CD109: variants seen among roughly 807,000 people sequenced by gnomAD.
The protein encoded by CD109 is CD109 antigen.
In CD109, 149 loss-of-function variants were observed where a neutral mutation model predicts 165.8. The ratio of observed to expected loss-of-function variants is 0.90; its 90% confidence interval spans 0.79 to 1.03. The LOEUF is 1.03. Ranked by LOEUF, CD109 falls within the 50% of genes least tolerant of loss-of-function variation. The pLI is 0.00. For synonymous variants in CD109, 585 were observed against 592.1 expected, an observed-to-expected ratio of 0.99 and a Z score of 0.18; for missense variants, 1,712 against 1,677.8, an observed-to-expected ratio of 1.02 and a Z score of -0.36.
At chr6:73,821,484 A>G (rs182640015) in intron 32 of CD109, among the ~76,000 whole-genome samples, 115 of 152,326 alleles carry the variant, frequency 7.5e-4, no homozygotes, top group Admixed American at 2.1e-3. Context: ...GTGCCCATCA[A>G]CTGTGAATTG....
At chr6:73,735,170 A>G (rs888837633) in intron 4 of CD109, among the ~76,000 whole-genome samples, 2 of 152,224 alleles carry the variant, frequency 1.3e-5, no homozygotes, top group African/African-American at 4.8e-5. Context: ...GAGTAGTATT[A>G]GTAAGGGCCT....
At chr6:73,713,862 A>G (rs774888965) in intron 2 of CD109, among the ~76,000 whole-genome samples, 1 of 152,000 alleles carries the variant, frequency 6.6e-6, no homozygotes, top group Non-Finnish European at 1.5e-5. Context: ...TAGACTCCCA[A>G]CTGTTTTTTT....
At chr6:73,771,739 G>A (rs769009114) in intron 15 of CD109, among the ~76,000 whole-genome samples, 158 bp downstream of exon 15, 2 of 152,280 alleles carry the variant, frequency 1.3e-5, no homozygotes, top group African/African-American at 4.8e-5. Flanking sequence ...AATCTGTATC[G>A]TAATGGTTAT....
At chr6:73,707,459 T>C (rs1412036914) in intron 2 of CD109, among the ~76,000 whole-genome samples, 1 of 152,120 alleles carries the variant, frequency 6.6e-6, no homozygotes, top group Non-Finnish European at 1.5e-5. Context: ...ATGTTTGCAC[T>C]ACTGTTTTGG....
chr6:73,808,077 TCCAAGCC>T lies in CD109; in HGVS notation c.3190-5_3191del. Reference sequence around the variant, plus strand: ...ATAGTAAAAAACATACTTTTTTTCTTCCAAGCCTAACATTGATGTGCAAGAGTCTATC... The same window carrying T: ...ATAGTAAAAAACATACTTTTTTTCTTTAACATTGATGTGCAAGAGTCTATC... On this transcript the variant is annotated splice_acceptor_variant and splice_polypyrimidine_tract_variant and coding_sequence_variant and intron_variant, in exon 26 of 33. Transcript: ENST00000287097. LOFTEE classifies it high-confidence loss of function. 6.2e-7 allele frequency: 1 copy of T among 1,611,814 alleles called. No homozygotes were observed. Among genetic ancestry groups the T allele is most frequent in the African/African-American group, 1.3e-5 (1 of 74,930 alleles).
At chr6:73,707,075 A>T (rs953517609) in intron 2 of CD109, among the ~76,000 whole-genome samples, 3 of 152,250 alleles carry the variant, frequency 2.0e-5, no homozygotes, top group African/African-American at 7.2e-5. Flanking sequence ...GAAGCAGAGT[A>T]GGCTTCATTT....
intron 2 of CD109, among the ~76,000 whole-genome samples, chr6:73,698,023 A>T (rs1043073920): frequency 6.6e-6 from 1 of 152,240 alleles, no homozygotes; most frequent in African/African-American, 2.4e-5. Flanking sequence ...TATTGAGTGC[A>T]AAGTATTTTA....
At chr6:73,681,002 T>A in the CD109 span, among the ~76,000 whole-genome samples, 1,714 of 152,230 alleles carry the variant, frequency 0.011, 7 homozygotes, top group Middle Eastern at 0.051. Context: ...AATTTGCCTA[T>A]TTTTGCTTTC....
upstream of CD109, among the ~76,000 whole-genome samples, chr6:73,691,338 G>C (rs1223890329): frequency 3.9e-5 from 6 of 152,204 alleles, no homozygotes; most frequent in South Asian, 2.1e-4. Context: ...CTATAAAGGG[G>C]AGGTGGGGTA....
At chr6:73,739,544 ATATT>A (rs1309352514) in intron 5 of CD109, among the ~76,000 whole-genome samples, 8 of 152,236 alleles carry the variant, frequency 5.3e-5, no homozygotes, top group African/African-American at 1.9e-4. Flanking sequence ...GGGAAGGAAA[ATATT>A]TATTTTCAAG....
chr6:73,710,712 T>G (rs1771498748), intron 2 of CD109, among the ~76,000 whole-genome samples: 1 of 152,112 alleles, frequency 6.6e-6, no homozygotes, highest in Non-Finnish European at 1.5e-5. Flanking sequence ...TTGGCTTAGG[T>G]AGATCTTCAC....
At chr6:73,705,231 A>G (rs1771221948) in intron 2 of CD109, among the ~76,000 whole-genome samples, 1 of 152,210 alleles carries the variant, frequency 6.6e-6, no homozygotes, top group South Asian at 2.1e-4. Flanking sequence ...CATTATTTTC[A>G]TAGAGGCAGA....
chr6:73,707,691 C>A (rs554553691), intron 2 of CD109, among the ~76,000 whole-genome samples: 82 of 151,982 alleles, frequency 5.4e-4, no homozygotes, highest in Non-Finnish European at 1.0e-3. Context: ...GTGGCTCATA[C>A]AAATTGAGAT....
At chr6:73,795,256 A>G (rs1775114707) in intron 23 of CD109, among the ~76,000 whole-genome samples, 1 of 151,274 alleles carries the variant, frequency 6.6e-6, no homozygotes, top group African/African-American at 2.4e-5. Context: ...CCATATTTAC[A>G]TATGCTTTAT....
the CD109 span, among the ~76,000 whole-genome samples, chr6:73,684,572 C>G: frequency 6.6e-6 from 1 of 151,916 alleles, no homozygotes; most frequent in South Asian, 2.1e-4. Context: ...AAGGTGATAT[C>G]TCTTTGGTAT....
chr6:73,730,125 C>G (rs536333791), intron 3 of CD109, among the ~76,000 whole-genome samples: 1 of 152,070 alleles, frequency 6.6e-6, no homozygotes, highest in Non-Finnish European at 1.5e-5. Flanking sequence ...GGCTATGTGT[C>G]CCCCATTCCA....
chr6:73,812,525 G>T (rs183638835), intron 29 of CD109, among the ~76,000 whole-genome samples: 3 of 152,030 alleles, frequency 2.0e-5, no homozygotes, highest in East Asian at 3.9e-4. Flanking sequence ...TGAAGTGAGG[G>T]TTAATGTCCT....
Position 73,812,245 on chromosome 6 carries a change from A to G in CD109, c.3743A>G (p.Asn1248Ser). 6.2e-7 allele frequency: 1 copy of G among 1,609,696 alleles called. No individual in the cohort carries two copies. Among genetic ancestry groups the G allele is most frequent in the Non-Finnish European group, 8.5e-7 (1 of 1,177,360 alleles). The change falls in exon 29 of 33, where the codon AAT (asparagine) becomes AGT (serine). Residue 1248 changes from asparagine to serine, a missense_variant. Coordinates refer to ENST00000287097, the MANE Select transcript of CD109 (RefSeq NM_133493.5). ...VQPTAVNISA[N>S]GFGFAICQLN... is the part of the protein sequence containing the mutation. ...CCAACGGCAGTTAATATTTCCGCAA[A>G]TGGTTTTGGATTTGCTATTTGTCAG...
In CD109 at chr6:73,803,162, A is replaced by G. The variant is rs1368019072; in HGVS notation, c.2879-58A>G. 5.2e-6 allele frequency: 6 copies of G among 1,164,802 alleles called. No homozygotes were observed. In the Admixed American group the frequency reaches 1.0e-4, roughly 20 times the overall value. The allele number at this position is 1,164,802 out of a possible 1,614,324, so 72.2% of individuals were successfully genotyped here. A position where few individuals can be genotyped will look rare whatever the true frequency, so the allele number is the denominator to read the frequency against. On this transcript the variant is annotated intron_variant, in intron 23 of 32. Coordinates refer to ENST00000287097, the MANE Select transcript of CD109 (RefSeq NM_133493.5). ...CCTCAATATGAAGTCATAATTAGAA[A>G]CTTTCATCCATTGCAAGTTAATGAT...
Sources: allele counts gnomAD v4.1 joint callset (sites outside exome capture counted in the v4.1 genomes callset), GRCh38; gene constraint gnomAD v4.1.1; transcripts MANE v1.5; gene names NCBI Gene and HGNC (gene_info 2026-07-23, HGNC 2026-07-21).